The following THBS4 variants were observed in gnomAD, a reference collection of about 807,000 sequenced individuals.
THBS4 encodes thrombospondin 4.
THBS4 carries 90 observed loss-of-function variants against 115.7 expected under a neutral mutation model. That is an observed-to-expected ratio of 0.78 (90% confidence interval 0.66 to 0.93). THBS4 has a LOEUF of 0.93. Ranked by LOEUF, THBS4 falls within the 40% of genes least tolerant of loss-of-function variation. THBS4 has a pLI of 0.00. For missense variants in THBS4, 1,087 were observed against 1,232.7 expected (o/e 0.88, Z 1.77); for synonymous variants, 460 against 479.3 (o/e 0.96, Z 0.53).
chr5:80,056,068 A>G, intron 3 of THBS4, 36 bp downstream of exon 3: 1 of 1,562,556 alleles, frequency 6.4e-7, no homozygotes, highest in South Asian at 1.2e-5. Context: ...AAGTGGAAAA[A>G]TGAGCTGCCA....
upstream of THBS4, among the ~76,000 whole-genome samples, chr5:80,031,964 T>C (rs1832594424): frequency 1.3e-5 from 2 of 152,184 alleles, no homozygotes; most frequent in South Asian, 4.1e-4. Flanking sequence ...TACTACTAAA[T>C]GTTAGGTACT....
intron 15 of THBS4, among the ~76,000 whole-genome samples, 166 bp downstream of exon 15, chr5:80,073,493 T>C (rs1343545115): frequency 6.6e-6 from 1 of 152,016 alleles, no homozygotes; most frequent in Non-Finnish European, 1.5e-5. Context: ...ATGCCATTCT[T>C]CTGCCTCAGC....
At chr5:80,050,776 G>A (rs391521) in intron 2 of THBS4, among the ~76,000 whole-genome samples, 35,947 of 152,184 alleles carry the variant, frequency 0.24, 4,677 homozygotes, top group African/African-American at 0.34. Context: ...AAGTTAGTTC[G>A]GCCTGTGCCC....
At chr5:80,057,207 T>G (rs1053652448) in intron 3 of THBS4, among the ~76,000 whole-genome samples, 1 of 152,218 alleles carries the variant, frequency 6.6e-6, no homozygotes, top group Non-Finnish European at 1.5e-5. Flanking sequence ...TCACTGCTTA[T>G]TTCAGAAATT....
At chr5:80,072,150 G>T in intron 13 of THBS4, 128 bp from the exon 14 acceptor site, 1 of 768,536 alleles carries the variant, frequency 1.3e-6, no homozygotes, top group Non-Finnish European at 2.3e-6. Flanking sequence ...CTGGATAACT[G>T]CAGAAAAGGG....
At chr5:80,078,773 A>G in intron 17 of THBS4, 148 bp from the exon 18 acceptor site, 3 of 652,616 alleles carry the variant, frequency 4.6e-6, no homozygotes, top group Non-Finnish European at 7.4e-6. Context: ...ACATAACACA[A>G]TAGAGCAACT....
intron 14 of THBS4, 48 bp from the exon 15 acceptor site, chr5:80,073,227 G>A (rs570998033): frequency 1.4e-5 from 22 of 1,586,986 alleles, no homozygotes; most frequent in East Asian, 6.7e-5. Flanking sequence ...TGGAACATTC[G>A]GTACATGCAG....
chr5:80,059,528 G>T, intron 6 of THBS4, 37 bp downstream of exon 6: 1 of 1,612,278 alleles, frequency 6.2e-7, no homozygotes, highest in Non-Finnish European at 8.5e-7. Flanking sequence ...GCCTGAGTTG[G>T]ATGATGCAGG....
rs145598487 is a variant in THBS4 at position 80,057,454 on chromosome 5, C to T, written c.541-752C>T. Among the ~76,000 whole-genome samples the T allele has an allele frequency of 1.5e-4, 23 of 152,226 alleles. No individual in the cohort carries two copies. The East Asian group carries it at 2.9e-3, about 19-fold the overall frequency. ...AAAGCCAGTCATTTTCCTGACTCTG[C>T]GGAGATTATAGTCTGATGTCCAATA... On this transcript the variant is annotated intron_variant, in intron 3 of 21. Transcript: ENST00000350881.
chr5:80,061,623 G>T, intron 7 of THBS4, 72 bp from the exon 8 acceptor site: 1 of 1,505,506 alleles, frequency 6.6e-7, no homozygotes, highest in Non-Finnish European at 8.9e-7. Context: ...ACAAGTATGT[G>T]CAAATAGATG....
At chr5:79,997,578 T>C (rs1342749779) in intron 1 of THBS4, among the ~76,000 whole-genome samples, 1 of 152,178 alleles carries the variant, frequency 6.6e-6, no homozygotes, top group African/African-American at 2.4e-5. Flanking sequence ...GCTATAGTTA[T>C]ACCCGACACT....
In THBS4 at chr5:80,061,827, A is replaced by T; in HGVS notation, c.1120A>T (p.Lys374Ter). The change falls in exon 8 of 22, where the codon AAG (lysine) becomes TAG (stop). Residue 374 changes from lysine to a stop codon, truncating the protein, a stop_gained. Coordinates refer to ENST00000350881, the MANE Select transcript of THBS4 (RefSeq NM_003248.6). LOFTEE classifies it high-confidence loss of function. The stretch of plus-strand genomic sequence containing the variant: ...TGGGATCAGTTTTGCCAAGTCAAAC[A>T]AGCAGGTAGGCTGAAGTCATGGTTT... ...GVGISFAKSN[K>*]QVCTDIDECR... is the part of the protein sequence containing the mutation. The T allele has an allele frequency of 6.2e-7, 1 of 1,607,268 alleles. No homozygotes were observed. The highest frequency in any genetic ancestry group is 8.5e-7 in the Non-Finnish European group (1 of 1,176,518).
chr5:80,013,199 G>A (rs1832162989), intron 2 of THBS4, among the ~76,000 whole-genome samples: 1 of 152,092 alleles, frequency 6.6e-6, no homozygotes, highest in South Asian at 2.1e-4. Context: ...GAGTGCAATG[G>A]CGCAATCTTG....
intron 2 of THBS4, among the ~76,000 whole-genome samples, chr5:80,028,643 G>T (rs1832526708): frequency 6.6e-6 from 1 of 152,072 alleles, no homozygotes; most frequent in African/African-American, 2.4e-5. Flanking sequence ...ATTTTTAATA[G>T]AGATGGGGTT....
intron 2 of THBS4, among the ~76,000 whole-genome samples, chr5:80,009,330 G>A (rs1195824449): frequency 5.3e-5 from 8 of 152,170 alleles, no homozygotes; most frequent in African/African-American, 1.9e-4. Context: ...TAGGAAAACT[G>A]TTTACTGTTT....
intron 1 of THBS4, chr5:79,998,201 G>A (rs1023621855): frequency 6.6e-6 from 1 of 152,088 alleles, no homozygotes; most frequent in African/African-American, 2.4e-5. Flanking sequence ...TTGGAGGAGG[G>A]GCCTAATGGG....
At chr5:80,004,934 C>T (rs760420313) in intron 2 of THBS4, among the ~76,000 whole-genome samples, 2 of 151,998 alleles carry the variant, frequency 1.3e-5, no homozygotes, top group Non-Finnish European at 2.9e-5. Context: ...GAGGGGGTTT[C>T]GCCATGTTAC....
intron 2 of THBS4, among the ~76,000 whole-genome samples, chr5:80,042,163 C>T (rs1360208845): frequency 6.6e-6 from 1 of 152,178 alleles, no homozygotes; most frequent in Non-Finnish European, 1.5e-5. Context: ...GATGGGTCAA[C>T]CGTTCCTGTC....
intron 9 of THBS4, chr5:80,067,355 G>A (rs938085447): frequency 2.6e-5 from 4 of 151,196 alleles, no homozygotes; most frequent in Admixed American, 6.6e-5. Context: ...TAAACATATT[G>A]TATAATATTT....
Sources: gnomAD v4.1 joint callset for allele counts (sites outside exome capture counted in the v4.1 genomes callset) on GRCh38, gnomAD v4.1.1 for gene constraint, MANE v1.5 for transcripts, NCBI Gene and HGNC (gene_info 2026-07-23, HGNC 2026-07-21) for gene names.